The following LDLRAP1 variants were observed in gnomAD, a reference collection of about 807,000 sequenced individuals.
LDLRAP1 encodes the protein low density lipoprotein receptor adaptor protein 1.
LDLRAP1 carries 30 observed loss-of-function variants against 37.8 expected under a neutral mutation model. That is an observed-to-expected ratio of 0.79 (90% CI 0.59 to 1.08). The LOEUF (loss-of-function observed/expected upper bound fraction) is 1.08, where lower values mean the gene tolerates loss of function less well. LDLRAP1 is among the 50% of genes least tolerant of loss of function. The pLI, the probability that LDLRAP1 is intolerant of heterozygous loss-of-function variation, is 0.00. For missense variants in LDLRAP1, 375 were observed against 401.6 expected, an observed-to-expected ratio of 0.93 and a Z score of 0.57; for synonymous variants, 156 against 169.8, an observed-to-expected ratio of 0.92 and a Z score of 0.63.
chr1:25,558,725 T>C (rs1036345504), intron 4 of LDLRAP1, among the ~76,000 whole-genome samples: 2 of 152,184 alleles, frequency 1.3e-5, no homozygotes, highest in Admixed American at 1.3e-4. Context: ...CTGATGACAT[T>C]TGGACACTCT....
At position 25,554,955 on chromosome 1, in the gene LDLRAP1, G is replaced by A. The variant is rs2044165165; in HGVS notation, c.327G>A (p.Glu109=). 1.2e-6 allele frequency: 2 copies of A among 1,613,948 alleles called. No individual in the cohort carries two copies. Among genetic ancestry groups the A allele is most frequent in the African/African-American group, 2.7e-5 (2 of 74,942 alleles). Residue 109 remains glutamate (E), a synonymous_variant, in exon 3 of 9, where the codon GAG becomes GAA. Coordinates refer to ENST00000374338, the MANE Select transcript of LDLRAP1 (RefSeq NM_015627.3). The surrounding 1 kb of genome is among the most constrained non-coding windows in gnomAD (Gnocchi z 5.4). ...LTDNLTNQLI[E]NVSIYRISYC... is the part of the protein sequence containing the mutation. ...ACAACCTCACCAACCAGCTCATTGA[G>A]AACGTGTCCATATACAGGTACGCTC...
chr1:25,589,330 A>AAGAAAGAAAGAAAGAAAGAAAG, the LDLRAP1 span, among the ~76,000 whole-genome samples: 1 of 151,980 alleles, frequency 6.6e-6, no homozygotes, highest in African/African-American at 2.4e-5. Flanking sequence ...GAAAGAAAGA[A>AAGAAAGAAAGAAAGAAAGAAAG]ATATATCAAG....
chr1:25,566,936 G>T lies in LDLRAP1; in HGVS notation c.871G>T (p.Asp291Tyr), dbSNP rs753968574. Reference sequence around the variant, plus strand: ...TTACGCCCAGTGCCTCTCGCCTGTCGACTGGGACAAGCCTGACAGCAGCGG... The same window carrying T: ...TTACGCCCAGTGCCTCTCGCCTGTCTACTGGGACAAGCCTGACAGCAGCGG... ...MHYAQCLSPV[D>Y]WDKPDSSGTE... Residue 291 changes from aspartate (D) to tyrosine (Y), a missense_variant, in exon 9 of 9, where the codon GAC (aspartate) becomes TAC (tyrosine). Transcript: ENST00000374338. 1.2e-6 allele frequency: 2 copies of T among 1,613,452 alleles called. No homozygotes were observed. The highest frequency in any genetic ancestry group is 8.5e-7 in the Non-Finnish European group (1 of 1,180,030).
Position 25,557,782 on chromosome 1 carries a change from C to T in LDLRAP1, c.459+515C>T, listed in dbSNP as rs531626552. Reference sequence around the variant, plus strand: ...AGTGTGGAGGACAGTGACCGTCTCTCGGTGCCTCCTGTGTGTGCATTCTAG... The same window carrying T: ...AGTGTGGAGGACAGTGACCGTCTCTTGGTGCCTCCTGTGTGTGCATTCTAG... On this transcript the variant is annotated intron_variant, in intron 4 of 8. Transcript: ENST00000374338. 7.2e-5 allele frequency among the ~76,000 whole-genome samples: 11 copies of T among 152,132 alleles called. No individual in the cohort carries two copies. The East Asian group carries it at 1.2e-3, about 16-fold the overall frequency.
rs1464240024 is a variant in LDLRAP1 at position 25,568,585 on chromosome 1, CATT to C, written c.*1596_*1598del. On this transcript the variant is annotated 3_prime_UTR_variant, in exon 9 of 9. Coordinates refer to ENST00000374338, the MANE Select transcript of LDLRAP1 (RefSeq NM_015627.3). The stretch of plus-strand genomic sequence containing the variant: ...GAGGGTGGGGTGGGATTTGCAGGGT[CATT>C]ATCAGAACATGAGGATAACTTCCTT... 6.6e-6 allele frequency: 1 copy of C among 152,246 alleles called. No individual in the cohort carries two copies. Among genetic ancestry groups the C allele is most frequent in the Non-Finnish European group, 1.5e-5 (1 of 68,070 alleles). 9.4% of individuals were successfully genotyped at this position (152,246 alleles called of 1,614,324 possible).
At chr1:25,589,070 G>A in the LDLRAP1 span, among the ~76,000 whole-genome samples, 3 of 152,160 alleles carry the variant, frequency 2.0e-5, no homozygotes, top group East Asian at 5.8e-4. Context: ...TTGGGAGGCC[G>A]AGGCGGGGGG....
intron 1 of LDLRAP1, among the ~76,000 whole-genome samples, chr1:25,545,533 C>A (rs2043913041): frequency 6.6e-6 from 1 of 152,142 alleles, no homozygotes; most frequent in Non-Finnish European, 1.5e-5. Context: ...CTTCCCCCTG[C>A]CTATCCTTGG....
At chr1:25,563,847 C>T (rs964687317) in intron 7 of LDLRAP1, 56 bp downstream of exon 7, 4 of 1,608,368 alleles carry the variant, frequency 2.5e-6, no homozygotes, top group Admixed American at 3.3e-5. Context: ...TCTGGGTGAG[C>T]CTGGGGCTGC....
chr1:25,576,942 G>A, the LDLRAP1 span, among the ~76,000 whole-genome samples: 1 of 152,152 alleles, frequency 6.6e-6, no homozygotes, highest in South Asian at 2.1e-4. Context: ...AGCCAGCGGT[G>A]GGGTTCAGGC....
downstream of LDLRAP1, among the ~76,000 whole-genome samples, chr1:25,570,104 A>G (rs2044583397): frequency 6.6e-6 from 1 of 152,220 alleles, no homozygotes; most frequent in East Asian, 1.9e-4. Context: ...TTAAGCGTCC[A>G]GAACCCAGAG....
At chr1:25,551,818 G>C (rs1012034323) in intron 1 of LDLRAP1, among the ~76,000 whole-genome samples, 2 of 152,032 alleles carry the variant, frequency 1.3e-5, no homozygotes, top group African/African-American at 4.8e-5. Context: ...CTGGGCCTGG[G>C]GCCAGGGCTG....
At chr1:25,566,818 G>T in intron 8 of LDLRAP1, 30 bp from the exon 9 acceptor site, 1 of 1,596,894 alleles carries the variant, frequency 6.3e-7, no homozygotes, top group Non-Finnish European at 8.5e-7. Context: ...CCTCACCCAG[G>T]CTCTCGGCTC....
chr1:25,577,805 C>T, the LDLRAP1 span, among the ~76,000 whole-genome samples: 20 of 152,212 alleles, frequency 1.3e-4, no homozygotes, highest in Non-Finnish European at 2.9e-4. Context: ...GCCTCATCTT[C>T]CCCATCTGTA....
At chr1:25,588,846 C>T in the LDLRAP1 span, among the ~76,000 whole-genome samples, 5 of 152,146 alleles carry the variant, frequency 3.3e-5, no homozygotes, top group Admixed American at 3.3e-4. Flanking sequence ...TCTGTTTTTC[C>T]GTCTTAAAGT....
At chr1:25,552,887 G>A (rs1001768083) in intron 1 of LDLRAP1, among the ~76,000 whole-genome samples, 4 of 152,258 alleles carry the variant, frequency 2.6e-5, no homozygotes, top group African/African-American at 7.2e-5. Context: ...AACTCTCCTT[G>A]TGGACTCTGT....
At chr1:25,574,785 G>A in the LDLRAP1 span, among the ~76,000 whole-genome samples, 2 of 152,042 alleles carry the variant, frequency 1.3e-5, no homozygotes, top group Admixed American at 1.3e-4. Flanking sequence ...GTGTAGACCT[G>A]AAGGTCTGTA....
intron 4 of LDLRAP1, among the ~76,000 whole-genome samples, chr1:25,560,136 C>T (rs1438190317): frequency 3.3e-5 from 5 of 152,054 alleles, no homozygotes; most frequent in East Asian, 1.9e-4. Context: ...CGCAGAGGGG[C>T]GAAGTGAAAT....
intron 1 of LDLRAP1, 45 bp downstream of exon 1, chr1:25,543,831 GGC>G (rs889643815): frequency 2.2e-5 from 25 of 1,162,770 alleles, no homozygotes; most frequent in Non-Finnish European, 2.7e-5. Context: ...ATCGGGCAGA[GGC>G]GCGCGGGGCC....
downstream of LDLRAP1, among the ~76,000 whole-genome samples, chr1:25,573,018 TTAG>T (rs2124712213): frequency 6.6e-6 from 1 of 152,008 alleles, no homozygotes; most frequent in South Asian, 2.1e-4. Context: ...CAGAAACAAC[TTAG>T]TAGCCTGTAT....
Sources: allele counts gnomAD v4.1 joint callset (sites outside exome capture counted in the v4.1 genomes callset), GRCh38; gene constraint gnomAD v4.1.1; non-coding constraint Gnocchi (gnomAD v3.1); transcripts MANE v1.5; gene names NCBI Gene and HGNC (gene_info 2026-07-23, HGNC 2026-07-21).